Variants in DTNB observed in about 807,000 individuals in gnomAD.
The protein encoded by DTNB is DTN-B.
DTNB carries 63 observed loss-of-function variants against 90.7 expected under a neutral mutation model. The observed-to-expected ratio is 0.69, with a 90% CI of 0.57 to 0.86. The LOEUF is 0.86. Among genes scored for constraint, DTNB ranks in the 40% least tolerant of loss-of-function variants. The pLI, the probability that DTNB is intolerant of heterozygous loss-of-function variation, is 0.00. For missense variants in DTNB, 744 were observed against 807.1 expected (o/e 0.92, Z 0.95); for synonymous variants, 277 against 286.7 (o/e 0.97, Z 0.34).
At chr2:25,637,919 T>C (rs573721562) in intron 3 of DTNB, among the ~76,000 whole-genome samples, 234 of 152,314 alleles carry the variant, frequency 1.5e-3, no homozygotes, top group African/African-American at 5.3e-3. Flanking sequence ...CGTATGTTTA[T>C]TGCAGCACTA....
chr2:25,452,810 T>C (rs1158303967), intron 11 of DTNB, among the ~76,000 whole-genome samples: 3 of 152,096 alleles, frequency 2.0e-5, no homozygotes, highest in Non-Finnish European at 2.9e-5. Context: ...TTCTGGGATT[T>C]TTTTTTAAGT....
chr2:25,541,590 G>A (rs963868537), intron 8 of DTNB, among the ~76,000 whole-genome samples: 32 of 152,246 alleles, frequency 2.1e-4, no homozygotes, highest in African/African-American at 6.0e-4. Flanking sequence ...TCTCAGGAAC[G>A]CTTCATCTCA....
intron 1 of DTNB, among the ~76,000 whole-genome samples, chr2:25,672,202 G>GA (rs2086093509): frequency 1.1e-4 from 2 of 18,966 alleles, no homozygotes; most frequent in Non-Finnish European, 1.8e-4. Flanking sequence ...GCCTCGCATA[G>GA]CAAAAAAAAA....
At chr2:25,398,577 TC>T (rs1161323143) in intron 16 of DTNB, among the ~76,000 whole-genome samples, 3 of 152,204 alleles carry the variant, frequency 2.0e-5, no homozygotes, top group Non-Finnish European at 2.9e-5. Context: ...CCGGAGCCGA[TC>T]TTGGATGAGA....
intron 9 of DTNB, among the ~76,000 whole-genome samples, chr2:25,486,505 G>A (rs1222530008): frequency 6.6e-6 from 1 of 151,750 alleles, no homozygotes; most frequent in African/African-American, 2.4e-5. Context: ...ATGGTTGCAC[G>A]TGCTGTAGTC....
At chr2:25,617,989 T>C (rs1173599064) in intron 4 of DTNB, among the ~76,000 whole-genome samples, 4 of 152,112 alleles carry the variant, frequency 2.6e-5, no homozygotes, top group Admixed American at 1.3e-4. Context: ...AGTCTCAACA[T>C]CCTTACTTCC....
chr2:25,582,012 C>G (rs987752218), intron 6 of DTNB, among the ~76,000 whole-genome samples: 2 of 152,240 alleles, frequency 1.3e-5, no homozygotes, highest in Non-Finnish European at 2.9e-5. Context: ...TAACTGTTCT[C>G]AGTCCCACCA....
chr2:25,454,035 A>G (rs181693443), intron 11 of DTNB, among the ~76,000 whole-genome samples: 11 of 152,142 alleles, frequency 7.2e-5, no homozygotes, highest in African/African-American at 2.6e-4. Flanking sequence ...CTGTGGTCCC[A>G]GCTACTCGGG....
At chr2:25,549,784 C>A (rs1226859811) in intron 8 of DTNB, among the ~76,000 whole-genome samples, 1 of 152,020 alleles carries the variant, frequency 6.6e-6, no homozygotes, top group East Asian at 1.9e-4. Flanking sequence ...CCTCAGCCTG[C>A]CAAGTAGCTG....
chr2:25,625,168 C>A (rs928635554), intron 4 of DTNB, among the ~76,000 whole-genome samples: 2 of 152,064 alleles, frequency 1.3e-5, no homozygotes, highest in Admixed American at 6.6e-5. Context: ...CAAACTTTAA[C>A]CTTATGGAAT....
intron 6 of DTNB, among the ~76,000 whole-genome samples, chr2:25,583,520 G>T (rs1428702906): frequency 8.7e-4 from 128 of 147,074 alleles, no homozygotes; most frequent in African/African-American, 2.3e-3. Flanking sequence ...TTTTTTTTTT[G>T]TTGTTGTTGT....
Position 25,387,212 on chromosome 2 carries a change from G to C in DTNB, c.1825+77C>G. 2.8e-6 allele frequency: 4 copies of C among 1,427,286 alleles called. No homozygotes were observed. The highest frequency in any genetic ancestry group is 3.9e-6 in the Non-Finnish European group (4 of 1,032,246). The allele number at this position is 1,427,286 out of a possible 1,614,324, so 88.4% of individuals were successfully genotyped here. A position where few individuals can be genotyped will look rare whatever the true frequency, so the allele number is the denominator to read the frequency against. On this transcript the variant is annotated intron_variant, in intron 18 of 20. Coordinates refer to ENST00000406818, the MANE Select transcript of DTNB (RefSeq NM_021907.5). The surrounding 1 kb of genome is among the most constrained non-coding windows in gnomAD (Gnocchi z 4.5). ...GCAAGCTGGGTGGTGAGGTTCTGCCGGTGCTGGCAAGGAAGTGAGAAGGGC... is the reference window on the plus strand; with the variant it reads ...GCAAGCTGGGTGGTGAGGTTCTGCCCGTGCTGGCAAGGAAGTGAGAAGGGC...
intron 2 of DTNB, among the ~76,000 whole-genome samples, chr2:25,648,251 A>G (rs1376446813): frequency 6.6e-6 from 1 of 152,208 alleles, no homozygotes; most frequent in Non-Finnish European, 1.5e-5. Flanking sequence ...AATATATTCC[A>G]TTCTTCTTTT....
intron 16 of DTNB, among the ~76,000 whole-genome samples, chr2:25,394,688 C>A (rs2041968744): frequency 6.6e-6 from 1 of 152,062 alleles, no homozygotes; most frequent in Non-Finnish European, 1.5e-5. Flanking sequence ...AATGCAATAC[C>A]ACCTTACTCT....
intron 9 of DTNB, among the ~76,000 whole-genome samples, chr2:25,502,758 C>A (rs1405139061): frequency 2.0e-5 from 3 of 151,352 alleles, no homozygotes; most frequent in Non-Finnish European, 4.4e-5. Flanking sequence ...TGGTGGCCAG[C>A]GCCTGTAGTC....
At chr2:25,399,093 G>T (rs374258252) in intron 16 of DTNB, among the ~76,000 whole-genome samples, 15 of 152,204 alleles carry the variant, frequency 9.9e-5, no homozygotes, top group African/African-American at 3.6e-4. Context: ...TCTGTCACCA[G>T]GCTGGAGTGC....
intron 10 of DTNB, among the ~76,000 whole-genome samples, chr2:25,476,302 C>G (rs2063742884): frequency 6.6e-6 from 1 of 152,170 alleles, no homozygotes; most frequent in Admixed American, 6.5e-5. Flanking sequence ...CTCCTGACCT[C>G]AGGTGATCCA....
rs1267606920 is a variant in DTNB, at chr2:25,652,640, G to A, written c.21C>T (p.Asn7=). ...TCTTCTCTGCCATGGTCTTCCGCTT[G>A]TTCCCACTTTCCTCAATCATCCTAG... MIEESG[N]KRKTMAEKRQ... The change falls in exon 2 of 21, where the codon AAC becomes AAT. Residue 7 remains asparagine (N), a synonymous_variant. Transcript: ENST00000406818. 5 of 1,611,932 alleles carry A rather than the reference G, an allele frequency of 3.1e-6. No individual in the cohort carries two copies. The African/African-American group carries it at 6.7e-5, about 22-fold the overall frequency.
intron 9 of DTNB, among the ~76,000 whole-genome samples, chr2:25,526,265 T>C (rs540302967): frequency 6.6e-6 from 1 of 150,876 alleles, no homozygotes; most frequent in East Asian, 1.9e-4. Context: ...TGTGGCATTA[T>C]ATGTGGAGGC....
Sources: gnomAD v4.1 joint callset for allele counts (sites outside exome capture counted in the v4.1 genomes callset) on GRCh38, gnomAD v4.1.1 for gene constraint, Gnocchi (gnomAD v3.1) non-coding constraint, MANE v1.5 for transcripts, NCBI Gene and HGNC (gene_info 2026-07-23, HGNC 2026-07-21) for gene names.